Variants in MAP2K6 observed in about 807,000 individuals in gnomAD.
The protein encoded by MAP2K6 is mitogen-activated protein kinase kinase 6, also known as dual specificity mitogen-activated protein kinase kinase 6.
In MAP2K6, 16 loss-of-function variants were observed where a neutral mutation model predicts 53.7. The ratio of observed to expected loss-of-function variants is 0.30; its 90% CI spans 0.20 to 0.45. The LOEUF (loss-of-function observed/expected upper bound fraction) is 0.45, where lower values mean the gene tolerates loss of function less well. Among genes scored for constraint, MAP2K6 ranks in the 20% least tolerant of loss-of-function variants. MAP2K6 has a pLI of 1.00. For synonymous variants in MAP2K6, 132 were observed against 143.1 expected, an observed-to-expected ratio of 0.92 and a Z score of 0.55; for missense variants, 204 against 411.9, an observed-to-expected ratio of 0.50 and a Z score of 4.37.
intron 2 of MAP2K6, among the ~76,000 whole-genome samples, chr17:69,507,844 AG>A (rs1909592906): frequency 6.6e-6 from 1 of 152,170 alleles, no homozygotes; most frequent in African/African-American, 2.4e-5. Context: ...TAAGCCCAAT[AG>A]TGCAATTGCT....
chr17:69,499,250 A>T (rs1598291910), intron 1 of MAP2K6, among the ~76,000 whole-genome samples: 1 of 152,220 alleles, frequency 6.6e-6, no homozygotes. Flanking sequence ...AAGAAATAAG[A>T]TGCCATCCAG....
At chr17:69,457,750 A>T (rs985493657) in intron 1 of MAP2K6, among the ~76,000 whole-genome samples, 2 of 152,194 alleles carry the variant, frequency 1.3e-5, no homozygotes, top group African/African-American at 4.8e-5. Context: ...GGCTGTGGTG[A>T]GCTATGATCA....
At chr17:69,537,931 G>T (rs1381429338) in intron 11 of MAP2K6, among the ~76,000 whole-genome samples, 1 of 152,088 alleles carries the variant, frequency 6.6e-6, no homozygotes, top group Non-Finnish European at 1.5e-5. Context: ...TTATGCACCC[G>T]CTAGGCCATT....
intron 1 of MAP2K6, among the ~76,000 whole-genome samples, chr17:69,490,025 G>C (rs972629660): frequency 6.6e-6 from 1 of 152,178 alleles, no homozygotes; most frequent in South Asian, 2.1e-4. Flanking sequence ...CCAGGTTGCA[G>C]GATTTGAGTT....
At chr17:69,465,065 C>T (rs931349911) in intron 1 of MAP2K6, among the ~76,000 whole-genome samples, 2 of 151,720 alleles carry the variant, frequency 1.3e-5, no homozygotes, top group East Asian at 3.9e-4. Flanking sequence ...TTTACAGACC[C>T]CCACAGAGCC....
intron 2 of MAP2K6, among the ~76,000 whole-genome samples, chr17:69,509,779 T>C (rs993904717): frequency 2.6e-5 from 4 of 152,118 alleles, no homozygotes; most frequent in Admixed American, 6.5e-5. Flanking sequence ...ATGTTACTTA[T>C]GAGGTTGAAA....
Position 69,545,413 on chromosome 17 carries a change from A to G in MAP2K6, c.*3660A>G, listed in dbSNP as rs1341784314. Reference sequence around the variant, plus strand: ...TTGGTCACACTGATTTAATCAGAACAAATGGGTTAAATAAGCAGCTTTTAT... The same window carrying G: ...TTGGTCACACTGATTTAATCAGAACGAATGGGTTAAATAAGCAGCTTTTAT... On this transcript the variant is annotated 3_prime_UTR_variant, in exon 12 of 12. Transcript: ENST00000590474. 1 of 152,240 alleles carries G rather than the reference A, an allele frequency of 6.6e-6. No individual in the cohort carries two copies. The highest frequency in any genetic ancestry group is 2.4e-5 in the African/African-American group (1 of 41,460). 9.4% of individuals were successfully genotyped at this position (152,240 alleles called of 1,614,324 possible).
intron 1 of MAP2K6, among the ~76,000 whole-genome samples, chr17:69,475,552 C>T (rs1212558863): frequency 6.6e-6 from 1 of 152,196 alleles, no homozygotes; most frequent in Non-Finnish European, 1.5e-5. Flanking sequence ...AGGATTTTCT[C>T]CTCTCACGTG....
intron 1 of MAP2K6, among the ~76,000 whole-genome samples, chr17:69,436,284 A>C (rs1218696876): frequency 6.6e-6 from 1 of 152,128 alleles, no homozygotes; most frequent in East Asian, 1.9e-4. Flanking sequence ...TCACTGCTGG[A>C]TATGCTAATA....
Position 69,428,930 on chromosome 17 carries a change from G to GAA in MAP2K6, c.16+13931_16+13932dup, listed in dbSNP as rs1906361540. ...CTAAACTGGGGTGTGTTAAATTAGAGAACACACACACACACACACACACAC... is the reference window on the plus strand; with the variant it reads ...CTAAACTGGGGTGTGTTAAATTAGAGAAAACACACACACACACACACACACAC... On this transcript the variant is annotated intron_variant, in intron 1 of 11. Transcript: ENST00000590474. Among the ~76,000 whole-genome samples the GAA allele has an allele frequency of 9.2e-5, 7 of 76,114 alleles. No homozygotes were observed. The South Asian group carries it at 2.2e-3, about 24-fold the overall frequency. 49.9% of individuals were successfully genotyped at this position (76,114 alleles called of 152,430 possible).
chr17:69,422,170 C>T (rs374563310), intron 1 of MAP2K6, among the ~76,000 whole-genome samples: 1 of 116,918 alleles, frequency 8.6e-6, no homozygotes, highest in South Asian at 2.7e-4. Flanking sequence ...CTTGCTCTGT[C>T]ACCCAGACTG....
intron 1 of MAP2K6, among the ~76,000 whole-genome samples, chr17:69,500,697 A>G (rs1338244447): frequency 6.6e-6 from 1 of 151,452 alleles, no homozygotes; most frequent in Non-Finnish European, 1.5e-5. Flanking sequence ...CGGAGGTTGC[A>G]GTGAGCTGAC....
rs368830091 is a variant in MAP2K6 at position 69,452,856 on chromosome 17, T to C, written c.16+37856T>C. On this transcript the variant is annotated intron_variant, in intron 1 of 11. Transcript: ENST00000590474. ...ATTAGGGCGATAAGGATTTAGGTCG[T>C]ACCAAAGCATAATATAAAATGTCTT... is the stretch of plus-strand genomic sequence containing the variant. Among the ~76,000 whole-genome samples, 45 of 152,356 alleles carry C rather than the reference T, an allele frequency of 3.0e-4. 3 individuals carry two copies. The highest frequency in any genetic ancestry group is 1.0e-3 in the African/African-American group (43 of 41,590).
intron 2 of MAP2K6, among the ~76,000 whole-genome samples, chr17:69,512,195 C>T (rs963417772): frequency 3.3e-5 from 5 of 151,872 alleles, no homozygotes; most frequent in African/African-American, 9.7e-5. Context: ...CTTAGCCACA[C>T]ATCAGACTGG....
At chr17:69,490,959 A>C (rs1908722962) in intron 1 of MAP2K6, among the ~76,000 whole-genome samples, 1 of 152,108 alleles carries the variant, frequency 6.6e-6, no homozygotes, top group Non-Finnish European at 1.5e-5. Flanking sequence ...TATAAGTGAG[A>C]ACATGAGATA....
rs973618697 is a variant in MAP2K6 at position 69,553,861 on chromosome 17, G to C, written c.*12108G>C. ...CAACCAATAAAAGACATTTTAAAAAGCGTAGTGAGTCTGTACATTAATTGA... is the reference window on the plus strand; with the variant it reads ...CAACCAATAAAAGACATTTTAAAAACCGTAGTGAGTCTGTACATTAATTGA... On this transcript the variant is annotated 3_prime_UTR_variant, in exon 12 of 12. Coordinates refer to ENST00000590474, the MANE Select transcript of MAP2K6 (RefSeq NM_002758.4). The C allele has an allele frequency of 1.3e-5, 2 of 152,152 alleles. No individual in the cohort carries two copies. The highest frequency in any genetic ancestry group is 6.5e-5 in the Admixed American group (1 of 15,270). The allele number at this position is 152,152 out of a possible 1,614,324, so 9.4% of individuals were successfully genotyped here. A position where few individuals can be genotyped will look rare whatever the true frequency, so the allele number is the denominator to read the frequency against.
intron 1 of MAP2K6, among the ~76,000 whole-genome samples, chr17:69,436,251 A>G (rs1906638272): frequency 6.6e-6 from 1 of 152,210 alleles, no homozygotes; most frequent in Admixed American, 6.5e-5. Context: ...TACTTGATCC[A>G]AAGAACTTTT....
At chr17:69,502,538 AT>A (rs934888252) in intron 1 of MAP2K6, 50 of 978,774 alleles carry the variant, frequency 5.1e-5, no homozygotes, top group African/African-American at 2.3e-4. Context: ...TCCTGGATCT[AT>A]TTTTTTTTCT....
At chr17:69,508,792 G>A (rs1458429633) in intron 2 of MAP2K6, among the ~76,000 whole-genome samples, 1 of 152,186 alleles carries the variant, frequency 6.6e-6, no homozygotes, top group Non-Finnish European at 1.5e-5. Context: ...TTTTGTTCAA[G>A]GTATGAGTTT....
Sources: allele counts gnomAD v4.1 joint callset (sites outside exome capture counted in the v4.1 genomes callset), GRCh38; gene constraint gnomAD v4.1.1; transcripts MANE v1.5; gene names NCBI Gene and HGNC (gene_info 2026-07-23, HGNC 2026-07-21).